GRM5: variants seen among roughly 807,000 people sequenced by gnomAD.
GRM5 encodes metabotropic glutamate receptor 5.
A neutral mutation model predicts 83.1 loss-of-function variants in GRM5; 19 were observed. That is an observed-to-expected ratio of 0.23 (90% CI 0.16 to 0.34). GRM5 has a LOEUF of 0.34. GRM5 is among the 10% of genes least tolerant of loss of function. The pLI is 1.00. For synonymous variants in GRM5, 675 were observed against 633.6 expected (o/e 1.07, Z -0.98); for missense variants, 1,160 against 1,588.3 (o/e 0.73, Z 4.58).
At chr11:88,594,475 G>T (rs1408677051) in intron 6 of GRM5, among the ~76,000 whole-genome samples, 1 of 152,186 alleles carries the variant, frequency 6.6e-6, no homozygotes, top group Non-Finnish European at 1.5e-5. Context: ...ATAAACAAAT[G>T]AGCGTGGCTG....
intron 2 of GRM5, among the ~76,000 whole-genome samples, chr11:88,850,596 T>C (rs886366373): frequency 4.0e-5 from 6 of 150,538 alleles, no homozygotes; most frequent in Non-Finnish European, 7.4e-5. Flanking sequence ...TTATATAGTA[T>C]AGATGTTGCC....
chr11:88,723,488 C>T (rs928612723), intron 3 of GRM5, among the ~76,000 whole-genome samples: 7 of 152,092 alleles, frequency 4.6e-5, no homozygotes, highest in East Asian at 1.9e-4. Context: ...TATGCCATTT[C>T]GAATTCCCAC....
At chr11:88,630,350 G>A (rs911435392) in intron 4 of GRM5, among the ~76,000 whole-genome samples, 2 of 152,096 alleles carry the variant, frequency 1.3e-5, no homozygotes, top group African/African-American at 2.4e-5. Context: ...CTGATACATA[G>A]TAGTTATTCA....
At chr11:88,865,603 T>G (rs866017905) in intron 2 of GRM5, among the ~76,000 whole-genome samples, 6 of 152,018 alleles carry the variant, frequency 3.9e-5, no homozygotes, top group Admixed American at 3.3e-4. Flanking sequence ...CAAAAGAAAT[T>G]AGCATCAGAG....
intron 3 of GRM5, among the ~76,000 whole-genome samples, chr11:88,758,065 A>G (rs1424706802): frequency 6.6e-6 from 1 of 152,160 alleles, no homozygotes; most frequent in African/African-American, 2.4e-5. Flanking sequence ...ATCCTCAAAT[A>G]AAAATAACAA....
chr11:89,009,930 A>AAAAAC (rs1316250515), intron 2 of GRM5, among the ~76,000 whole-genome samples: 18 of 100,142 alleles, frequency 1.8e-4, no homozygotes, highest in African/African-American at 5.2e-4. Flanking sequence ...AAAAAAAAAA[A>AAAAAC]CACACACAAA....
chr11:89,055,745 T>C (rs1412437090), intron 1 of GRM5, among the ~76,000 whole-genome samples: 3 of 152,048 alleles, frequency 2.0e-5, no homozygotes, highest in Non-Finnish European at 4.4e-5. Flanking sequence ...CTTTGTATAA[T>C]ATAAATATCT....
At chr11:88,514,923 T>C (rs1565319406) in intron 9 of GRM5, among the ~76,000 whole-genome samples, 1 of 152,206 alleles carries the variant, frequency 6.6e-6, no homozygotes, top group Non-Finnish European at 1.5e-5. Flanking sequence ...ACGTGGATTT[T>C]CACCTCTCTC....
intron 3 of GRM5, among the ~76,000 whole-genome samples, chr11:88,799,714 A>G (rs1296600030): frequency 3.3e-5 from 5 of 152,132 alleles, no homozygotes; most frequent in Non-Finnish European, 4.4e-5. Context: ...CTAGAGCAAC[A>G]TTAGCTATTT....
chr11:88,795,985 T>C (rs1943267783), intron 3 of GRM5, among the ~76,000 whole-genome samples: 1 of 152,184 alleles, frequency 6.6e-6, no homozygotes, highest in Admixed American at 6.6e-5. Context: ...TGAAATAGAC[T>C]ACAATGAATT....
At chr11:88,540,307 G>A (rs188483487) in intron 8 of GRM5, among the ~76,000 whole-genome samples, 220 of 151,996 alleles carry the variant, frequency 1.4e-3, no homozygotes, top group African/African-American at 5.1e-3. Context: ...CTTTGTCTTT[G>A]GACAACTTAG....
intron 4 of GRM5, among the ~76,000 whole-genome samples, chr11:88,616,670 T>A (rs1398607590): frequency 6.6e-6 from 1 of 152,148 alleles, no homozygotes; most frequent in Non-Finnish European, 1.5e-5. Flanking sequence ...GTTAAGTAAG[T>A]AGACGGATTA....
chr11:88,669,693 ATTAC>A (rs145537821), intron 3 of GRM5, among the ~76,000 whole-genome samples: 2,713 of 152,128 alleles, frequency 0.018, 64 homozygotes, highest in East Asian at 0.096. Context: ...ATTTAAATAT[ATTAC>A]TTAAAAACCA....
At chr11:89,048,538 A>G (rs1941691033) in intron 1 of GRM5, among the ~76,000 whole-genome samples, 1 of 152,240 alleles carries the variant, frequency 6.6e-6, no homozygotes, top group Admixed American at 6.5e-5. Context: ...TGAGCATGTA[A>G]TTAATTATGC....
chr11:88,685,055 G>A (rs918862034), intron 3 of GRM5, among the ~76,000 whole-genome samples: 16 of 152,156 alleles, frequency 1.1e-4, no homozygotes, highest in African/African-American at 3.6e-4. Flanking sequence ...GCAAAAGTTC[G>A]AACAGTTTGG....
intron 2 of GRM5, among the ~76,000 whole-genome samples, chr11:88,897,084 TCATGGATGGCTAAA>T (rs1945238766): frequency 6.6e-6 from 1 of 152,036 alleles, no homozygotes; most frequent in African/African-American, 2.4e-5. Context: ...ATCAGTTCAA[TCATGGATGGCTAAA>T]CCTAAAAAAT....
intron 4 of GRM5, among the ~76,000 whole-genome samples, chr11:88,610,371 G>C (rs1287673553): frequency 6.6e-6 from 1 of 152,072 alleles, no homozygotes. Context: ...TCTTCCAATT[G>C]TTTGTGTCAT....
chr11:88,949,916 G>A (rs530805827), intron 2 of GRM5, among the ~76,000 whole-genome samples: 10 of 152,232 alleles, frequency 6.6e-5, no homozygotes, highest in African/African-American at 2.4e-4. Flanking sequence ...CCAGGCTGGA[G>A]TGCAGTGGCA....
intron 3 of GRM5, among the ~76,000 whole-genome samples, chr11:88,722,622 A>G (rs1298258832): frequency 2.0e-5 from 3 of 152,146 alleles, no homozygotes; most frequent in Admixed American, 1.3e-4. Flanking sequence ...CTAGACATAT[A>G]CTATTGTTTA....
Sources: allele counts gnomAD v4.1 joint callset (sites outside exome capture counted in the v4.1 genomes callset), GRCh38; gene constraint gnomAD v4.1.1; transcripts MANE v1.5; gene names NCBI Gene and HGNC (gene_info 2026-07-23, HGNC 2026-07-21).